Variants in NPAS3 observed in about 807,000 individuals in gnomAD.
NPAS3 encodes neuronal PAS domain protein 3.
A neutral mutation model predicts 73.1 loss-of-function variants in NPAS3; 14 were observed. The observed-to-expected ratio is 0.19, with a 90% CI of 0.13 to 0.30. NPAS3 has a LOEUF of 0.30. NPAS3 is among the 10% of genes least tolerant of loss of function. NPAS3 has a pLI of 1.00. For missense variants in NPAS3, 1,096 were observed against 1,250.0 expected, an observed-to-expected ratio of 0.88 and a Z score of 1.86; for synonymous variants, 620 against 541.5, an observed-to-expected ratio of 1.14 and a Z score of -2.01.
intron 3 of NPAS3, among the ~76,000 whole-genome samples, chr14:33,302,206 G>A (rs1594640252): frequency 6.6e-6 from 1 of 152,256 alleles, no homozygotes; most frequent in East Asian, 1.9e-4. Context: ...TATGTAGATG[G>A]ACTTGAAAAT....
chr14:33,119,269 G>A (rs2043157420), intron 2 of NPAS3, among the ~76,000 whole-genome samples: 2 of 152,044 alleles, frequency 1.3e-5, no homozygotes, highest in African/African-American at 4.8e-5. Flanking sequence ...CTATTTTTAA[G>A]AGGATTTGTT....
chr14:33,676,039 C>CTCTT (rs2059754228), intron 5 of NPAS3, among the ~76,000 whole-genome samples, 172 bp from the exon 6 acceptor site: 1 of 151,434 alleles, frequency 6.6e-6, no homozygotes, highest in Admixed American at 6.6e-5. Flanking sequence ...AAAAATCTTT[C>CTCTT]TCTTTCACCT....
intron 3 of NPAS3, among the ~76,000 whole-genome samples, chr14:33,268,982 T>A (rs1057486105): frequency 2.0e-5 from 3 of 152,182 alleles, no homozygotes; most frequent in Non-Finnish European, 4.4e-5. Flanking sequence ...CATGGCAGAC[T>A]AATGCTTTCT....
intron 4 of NPAS3, among the ~76,000 whole-genome samples, chr14:33,428,001 A>T (rs1177846290): frequency 6.6e-6 from 1 of 152,110 alleles, no homozygotes; most frequent in Non-Finnish European, 1.5e-5. Flanking sequence ...GTGTTTTGTT[A>T]TAGTGGTAGT....
intron 5 of NPAS3, among the ~76,000 whole-genome samples, chr14:33,618,778 A>G (rs2057997189): frequency 6.6e-6 from 1 of 152,248 alleles, no homozygotes; most frequent in Non-Finnish European, 1.5e-5. Context: ...GTTCATAGAA[A>G]CTGGTAAGTT....
intron 6 of NPAS3, among the ~76,000 whole-genome samples, chr14:33,733,067 C>T (rs1468143761): frequency 6.6e-6 from 1 of 152,236 alleles, no homozygotes; most frequent in East Asian, 1.9e-4. Context: ...ACAGGTTTCA[C>T]TTCTCTGGGA....
chr14:33,154,104 C>T (rs2044560870), intron 2 of NPAS3, among the ~76,000 whole-genome samples: 1 of 152,094 alleles, frequency 6.6e-6, no homozygotes, highest in African/African-American at 2.4e-5. Flanking sequence ...AATTGGCCTT[C>T]TCTCTCCTCT....
intron 1 of NPAS3, among the ~76,000 whole-genome samples, chr14:32,989,141 C>T (rs2038212348): frequency 6.6e-6 from 1 of 152,162 alleles, no homozygotes; most frequent in South Asian, 2.1e-4. Context: ...CTACCAGTTG[C>T]ACTGTGGAGG....
intron 5 of NPAS3, among the ~76,000 whole-genome samples, chr14:33,600,573 T>C (rs1190018348): frequency 6.6e-6 from 1 of 152,198 alleles, no homozygotes; most frequent in Non-Finnish European, 1.5e-5. Context: ...CCTGACCCCC[T>C]AATTGTACAG....
At chr14:33,284,018 C>G (rs1258329515) in intron 3 of NPAS3, among the ~76,000 whole-genome samples, 2 of 152,142 alleles carry the variant, frequency 1.3e-5, no homozygotes, top group Non-Finnish European at 2.9e-5. Flanking sequence ...ATTCACCATC[C>G]TTTTTCTCCT....
Position 33,439,843 on chromosome 14 carries a change from T to C in NPAS3, c.468+72575T>C, listed in dbSNP as rs28551540. Among the ~76,000 whole-genome samples, 1,440 of 152,074 alleles carry C rather than the reference T, an allele frequency of 9.5e-3. 20 individuals are homozygous for C. Among genetic ancestry groups the C allele is most frequent in the African/African-American group, 0.033 (1,372 of 41,506 alleles). On this transcript the variant is annotated intron_variant, in intron 4 of 11. Transcript: ENST00000356141. ...AAAAATGGAATGTTACGGCTGGGCG[T>C]GGTGGCTCACGCCTGTAATCCCAGC...
At chr14:33,142,090 T>A (rs891563252) in intron 2 of NPAS3, among the ~76,000 whole-genome samples, 1 of 152,108 alleles carries the variant, frequency 6.6e-6, no homozygotes, top group Non-Finnish European at 1.5e-5. Context: ...TTTTAATTAA[T>A]TGCTGTGAAC....
chr14:33,454,728 G>A (rs2049950053), intron 4 of NPAS3, among the ~76,000 whole-genome samples: 1 of 152,102 alleles, frequency 6.6e-6, no homozygotes, highest in African/African-American at 2.4e-5. Flanking sequence ...GGGGAGTTGG[G>A]GATTTCTTTT....
chr14:33,040,361 C>T (rs989290084), intron 1 of NPAS3, among the ~76,000 whole-genome samples: 9 of 152,096 alleles, frequency 5.9e-5, no homozygotes, highest in Non-Finnish European at 1.3e-4. Flanking sequence ...AAAAAGAGAA[C>T]TGAAGTGCTG....
intron 3 of NPAS3, among the ~76,000 whole-genome samples, chr14:33,355,623 A>T (rs928316138): frequency 3.9e-5 from 6 of 151,922 alleles, no homozygotes; most frequent in Non-Finnish European, 7.4e-5. Flanking sequence ...TACAGTTTGT[A>T]TTTCTCTCTC....
intron 3 of NPAS3, among the ~76,000 whole-genome samples, chr14:33,363,577 AT>A (rs1198278563): frequency 6.6e-6 from 1 of 152,172 alleles, no homozygotes; most frequent in Non-Finnish European, 1.5e-5. Flanking sequence ...TAGGTGTTTT[AT>A]TTTTAACCCT....
intron 2 of NPAS3, among the ~76,000 whole-genome samples, chr14:33,189,417 T>C (rs916474163): frequency 1.3e-5 from 2 of 152,186 alleles, no homozygotes; most frequent in South Asian, 4.1e-4. Context: ...ATGTTTCACC[T>C]TGATTGGGCT....
chr14:33,426,325 G>A (rs1184722183), intron 4 of NPAS3, among the ~76,000 whole-genome samples: 1 of 152,030 alleles, frequency 6.6e-6, no homozygotes, highest in Non-Finnish European at 1.5e-5. Flanking sequence ...CTCCTGGCAG[G>A]GAGGGAGGTG....
chr14:33,305,001 G>GCATT (rs2042701381), intron 3 of NPAS3, among the ~76,000 whole-genome samples: 1 of 151,978 alleles, frequency 6.6e-6, no homozygotes, highest in Admixed American at 6.6e-5. Flanking sequence ...CATTGGTGTG[G>GCATT]GTGTGTCTTG....
Sources: allele counts gnomAD v4.1 joint callset (sites outside exome capture counted in the v4.1 genomes callset), GRCh38; gene constraint gnomAD v4.1.1; transcripts MANE v1.5; gene names NCBI Gene and HGNC (gene_info 2026-07-23, HGNC 2026-07-21).